The following SFXN5 variants were observed in gnomAD, a reference collection of about 807,000 sequenced individuals.
The protein encoded by SFXN5 is sideroflexin 5, also known as sideroflexin-5.
SFXN5 carries 43 observed loss-of-function variants against 50.2 expected under a neutral mutation model. The observed-to-expected ratio is 0.86, with a 90% CI of 0.67 to 1.11. The LOEUF (loss-of-function observed/expected upper bound fraction) is 1.11. Ranked by LOEUF, SFXN5 falls within the 50% of genes least tolerant of loss-of-function variation. The pLI is 0.00. For synonymous variants in SFXN5, 203 were observed against 185.8 expected (o/e 1.09, Z -0.75); for missense variants, 463 against 454.1 (o/e 1.02, Z -0.18).
intron 1 of SFXN5, among the ~76,000 whole-genome samples, chr2:73,064,274 A>C (rs753028119): frequency 2.0e-5 from 3 of 152,266 alleles, no homozygotes; most frequent in Non-Finnish European, 4.4e-5. Flanking sequence ...CAAAGCAGAA[A>C]GGCTGGGCCA....
At chr2:72,963,516 G>C (rs757654774) in intron 12 of SFXN5, among the ~76,000 whole-genome samples, 25 of 151,838 alleles carry the variant, frequency 1.6e-4, no homozygotes, top group African/African-American at 6.0e-4. Context: ...GCCTGAGAGC[G>C]AACACAGTAG....
At chr2:73,007,155 T>C (rs1674790269) in intron 6 of SFXN5, among the ~76,000 whole-genome samples, 1 of 152,072 alleles carries the variant, frequency 6.6e-6, no homozygotes, top group Admixed American at 6.5e-5. Flanking sequence ...CTGCCACAGT[T>C]CTGTGTACGA....
chr2:72,976,847 A>G (rs929039699), intron 10 of SFXN5, among the ~76,000 whole-genome samples: 2 of 152,238 alleles, frequency 1.3e-5, no homozygotes, highest in African/African-American at 4.8e-5. Flanking sequence ...AAACCATACT[A>G]TAAGATATGG....
At position 72,954,244 on chromosome 2, in the gene SFXN5, G is replaced by T. The variant is rs78038754; in HGVS notation, c.945+6887C>A. On this transcript the variant is annotated intron_variant, in intron 13 of 13. Coordinates refer to ENST00000272433, the MANE Select transcript of SFXN5 (RefSeq NM_144579.3). ...GCTCAGCTGAGAGGGAGGGACATGG[G>T]GAGTTCCCAGGGCTGACATGGGAGG... Among the ~76,000 whole-genome samples the T allele has an allele frequency of 3.9e-4, 60 of 152,252 alleles. No homozygotes were observed. The East Asian group carries it at 0.011, about 28-fold the overall frequency.
chr2:72,963,024 G>A (rs1673926037), intron 12 of SFXN5, among the ~76,000 whole-genome samples: 1 of 152,094 alleles, frequency 6.6e-6, no homozygotes. Flanking sequence ...GGAGGGGCTG[G>A]GAGTAAGGCT....
At chr2:73,054,715 CTATCCTT>C (rs1415834988) in intron 2 of SFXN5, among the ~76,000 whole-genome samples, 1 of 152,212 alleles carries the variant, frequency 6.6e-6, no homozygotes, top group East Asian at 1.9e-4. Context: ...ATTAGCACCT[CTATCCTT>C]TAAGTCTCAG....
At chr2:72,959,866 C>T (rs1407469102) in intron 13 of SFXN5, among the ~76,000 whole-genome samples, 2 of 152,180 alleles carry the variant, frequency 1.3e-5, no homozygotes, top group Admixed American at 6.5e-5. Flanking sequence ...CATCTTGTTG[C>T]GGCTGTGGAC....
chr2:72,964,809 T>C (rs575492529), intron 12 of SFXN5, among the ~76,000 whole-genome samples: 3 of 152,302 alleles, frequency 2.0e-5, no homozygotes, highest in Non-Finnish European at 4.4e-5. Flanking sequence ...CATCACCTTA[T>C]CAGAGGGGCT....
In SFXN5 at chr2:73,012,828, T is replaced by G. The variant is rs184351490; in HGVS notation, c.357+7411A>C. 3.4e-4 allele frequency among the ~76,000 whole-genome samples: 52 copies of G among 151,380 alleles called. No individual in the cohort carries two copies. In the East Asian group the frequency reaches 9.5e-3, roughly 28 times the overall value. On this transcript the variant is annotated intron_variant, in intron 6 of 13. Coordinates refer to ENST00000272433, the MANE Select transcript of SFXN5 (RefSeq NM_144579.3). ...GGAGGTAAAATGATCAAGTAGAGAG[T>G]AGAGTGAAATTACATGCTACAGGTC...
At chr2:73,028,215 C>G (rs1015320415) in intron 3 of SFXN5, among the ~76,000 whole-genome samples, 7 of 152,330 alleles carry the variant, frequency 4.6e-5, no homozygotes, top group African/African-American at 1.7e-4. Context: ...GGACATATCC[C>G]TGATGTTAAG....
Position 72,961,247 on chromosome 2 carries a change from T to C in SFXN5, c.829A>G (p.Thr277Ala). 6.5e-7 allele frequency: 1 copy of C among 1,527,418 alleles called. No homozygotes were observed. Among genetic ancestry groups the C allele is most frequent in the Non-Finnish European group, 8.7e-7 (1 of 1,146,232 alleles). The allele number at this position is 1,527,418 out of a possible 1,614,324, so 94.6% of individuals were successfully genotyped here. A position where few individuals can be genotyped will look rare whatever the true frequency, so the allele number is the denominator to read the frequency against. Residue 277 changes from threonine (T) to alanine (A), a missense_variant and splice_region_variant, in exon 13 of 14, where the codon ACG (threonine) becomes GCG (alanine). Transcript: ENST00000272433. This position sits in a 1 kb window ranked among gnomAD's most constrained non-coding sequence, Gnocchi z 4.4. ...PPIVMSMLEK[T>A]ALLQARPRLL... Reference sequence around the variant, plus strand: ...CGGGGGCGTGCCTGCAGGAGAGCCGTCCTGTGAGGGAGAGAGGAGGGAGCC... The same window carrying C: ...CGGGGGCGTGCCTGCAGGAGAGCCGCCCTGTGAGGGAGAGAGGAGGGAGCC...
At chr2:73,052,088 A>G (rs1259982472) in intron 2 of SFXN5, among the ~76,000 whole-genome samples, 2 of 152,070 alleles carry the variant, frequency 1.3e-5, no homozygotes, top group Non-Finnish European at 2.9e-5. Flanking sequence ...CAATGCAGCC[A>G]GTGGATTTCC....
intron 12 of SFXN5, among the ~76,000 whole-genome samples, chr2:72,968,084 T>C (rs1258006430): frequency 3.3e-5 from 5 of 151,330 alleles, no homozygotes; most frequent in Non-Finnish European, 5.9e-5. Context: ...AATGGTCCTG[T>C]ACATACTATT....
intron 1 of SFXN5, chr2:73,059,477 C>G (rs1202171404): frequency 1.0e-6 from 1 of 985,260 alleles, no homozygotes; most frequent in African/African-American, 1.7e-5. Flanking sequence ...TCCACATTCC[C>G]TCCCCTTATT....
intron 9 of SFXN5, among the ~76,000 whole-genome samples, chr2:72,990,619 G>A (rs1672478647): frequency 6.6e-6 from 1 of 152,218 alleles, no homozygotes; most frequent in Non-Finnish European, 1.5e-5. Flanking sequence ...AAGGCTTTTA[G>A]ATAGACCATG....
At chr2:73,022,092 G>A (rs1267054993) in intron 5 of SFXN5, among the ~76,000 whole-genome samples, 1 of 152,214 alleles carries the variant, frequency 6.6e-6, no homozygotes, top group African/African-American at 2.4e-5. Context: ...GAATTAGGCT[G>A]GAGACTGACT....
intron 1 of SFXN5, 60 bp from the exon 2 acceptor site, chr2:73,058,656 AC>A: frequency 1.3e-6 from 2 of 1,482,032 alleles, no homozygotes; most frequent in Admixed American, 3.4e-5. Context: ...CCTTCTCCAG[AC>A]ACTGGAGAGC....
intron 11 of SFXN5, 104 bp downstream of exon 11, chr2:72,971,466 A>G: frequency 1.3e-6 from 1 of 773,450 alleles, no homozygotes; most frequent in Non-Finnish European, 2.1e-6. Context: ...AGATGCCAAA[A>G]TAAGGGTACC....
chr2:73,050,319 C>T (rs1271588455), intron 2 of SFXN5, among the ~76,000 whole-genome samples: 1 of 151,952 alleles, frequency 6.6e-6, no homozygotes, highest in Non-Finnish European at 1.5e-5. Flanking sequence ...CAGCAACTCT[C>T]TTCCTGGGCC....
Sources: allele counts gnomAD v4.1 joint callset (sites outside exome capture counted in the v4.1 genomes callset), GRCh38; gene constraint gnomAD v4.1.1; non-coding constraint Gnocchi (gnomAD v3.1); transcripts MANE v1.5; gene names NCBI Gene and HGNC (gene_info 2026-07-23, HGNC 2026-07-21).